Variants in PPP3CA observed in about 807,000 individuals in gnomAD.
PPP3CA encodes CAM-PRP catalytic subunit.
In PPP3CA, 14 loss-of-function variants were observed where a neutral mutation model predicts 66.5. The observed-to-expected ratio is 0.21, with a 90% confidence interval of 0.14 to 0.33. The LOEUF is 0.33. PPP3CA is among the 10% of genes least tolerant of loss of function. The probability of loss-of-function intolerance (pLI) is 1.00; values close to 1 mark genes in which losing one functional copy is unlikely to be tolerated. For synonymous variants in PPP3CA, 232 were observed against 226.2 expected (o/e 1.03, Z -0.23); for missense variants, 317 against 639.5 (o/e 0.50, Z 5.44).
intron 10 of PPP3CA, among the ~76,000 whole-genome samples, chr4:101,057,212 G>A (rs1422292228): frequency 6.6e-6 from 1 of 151,660 alleles, no homozygotes; most frequent in Non-Finnish European, 1.5e-5. Context: ...GCACCACCAT[G>A]CCCACCTATT....
intron 1 of PPP3CA, among the ~76,000 whole-genome samples, chr4:101,310,189 T>C (rs954042148): frequency 6.6e-6 from 1 of 152,182 alleles, no homozygotes; most frequent in African/African-American, 2.4e-5. Flanking sequence ...AATGAATTTC[T>C]CATAATTAAC....
intron 1 of PPP3CA, among the ~76,000 whole-genome samples, chr4:101,336,405 A>T (rs1729635308): frequency 6.7e-6 from 1 of 149,024 alleles, no homozygotes; most frequent in Admixed American, 6.7e-5. Flanking sequence ...ACCCATCTCT[A>T]CTAAAAATAC....
chr4:101,118,747 A>G (rs932289268), intron 2 of PPP3CA, among the ~76,000 whole-genome samples: 7 of 152,030 alleles, frequency 4.6e-5, no homozygotes, highest in Non-Finnish European at 7.4e-5. Flanking sequence ...TTCTGCTTGA[A>G]CCAGCTTTCA....
chr4:101,139,633 C>T (rs1722735027), intron 2 of PPP3CA, among the ~76,000 whole-genome samples: 1 of 150,094 alleles, frequency 6.7e-6, no homozygotes, highest in South Asian at 2.1e-4. Context: ...GAACAGAGTC[C>T]TGATAAATTT....
chr4:101,275,560 CT>C (rs1257224418), intron 1 of PPP3CA, among the ~76,000 whole-genome samples: 12 of 152,190 alleles, frequency 7.9e-5, no homozygotes, highest in Non-Finnish European at 1.5e-4. Flanking sequence ...CGAGGCTTAT[CT>C]GAGAAAAACA....
chr4:101,080,819 A>G (rs1218755526), intron 7 of PPP3CA, among the ~76,000 whole-genome samples, 193 bp from the exon 8 acceptor site: 1 of 152,174 alleles, frequency 6.6e-6, no homozygotes, highest in Non-Finnish European at 1.5e-5. Context: ...GGGGGTGGGT[A>G]TGAAAACATA....
intron 13 of PPP3CA, among the ~76,000 whole-genome samples, chr4:101,027,962 A>G (rs58656951): frequency 0.17 from 25,137 of 152,210 alleles, 2,274 homozygotes; most frequent in South Asian, 0.24. Flanking sequence ...AAAACAGCCA[A>G]ACTATCAACA....
intron 1 of PPP3CA, among the ~76,000 whole-genome samples, chr4:101,284,824 T>G (rs1308851630): frequency 1.3e-5 from 2 of 152,206 alleles, no homozygotes; most frequent in Non-Finnish European, 2.9e-5. Context: ...ACTAGAACCT[T>G]TATGTTCAAA....
intron 1 of PPP3CA, among the ~76,000 whole-genome samples, chr4:101,230,754 C>G (rs142721806): frequency 2.0e-5 from 3 of 151,552 alleles, no homozygotes; most frequent in African/African-American, 7.3e-5. Context: ...TAGAATAGCA[C>G]GCAAAGATTT....
In PPP3CA at chr4:101,023,994, T is replaced by G. The variant is rs543517766; in HGVS notation, c.*1871A>C. ...AGTACTTTTTGCTTTAGCAGATAGA[T>G]AGGGCATCCAATACAACTGAAACAA... On this transcript the variant is annotated 3_prime_UTR_variant, in exon 14 of 14. Coordinates refer to ENST00000394854, the MANE Select transcript of PPP3CA (RefSeq NM_000944.5). 14 of 152,622 alleles carry G rather than the reference T, an allele frequency of 9.2e-5. No homozygotes were observed. Among genetic ancestry groups the G allele is most frequent in the Admixed American group, 2.6e-4 (4 of 15,308 alleles). The allele number at this position is 152,622 out of a possible 1,614,324, so 9.5% of individuals were successfully genotyped here.
At chr4:101,256,838 C>T (rs2583409) in intron 1 of PPP3CA, among the ~76,000 whole-genome samples, 52,658 of 151,570 alleles carry the variant, frequency 0.35, 10,193 homozygotes, top group East Asian at 0.67. Flanking sequence ...AAGCATTTAA[C>T]GTTTCCCATC....
At chr4:101,177,562 C>A (rs55633921) in intron 2 of PPP3CA, among the ~76,000 whole-genome samples, 4,185 of 152,060 alleles carry the variant, frequency 0.028, 207 homozygotes, top group African/African-American at 0.095. Context: ...AGATCCTAAA[C>A]AAAACAACTA....
intron 1 of PPP3CA, among the ~76,000 whole-genome samples, chr4:101,266,149 C>T (rs1301686441): frequency 1.3e-5 from 2 of 152,094 alleles, no homozygotes; most frequent in African/African-American, 2.4e-5. Flanking sequence ...CTATTTCTTA[C>T]CTCACCTATT....
intron 1 of PPP3CA, among the ~76,000 whole-genome samples, chr4:101,218,665 A>G (rs1368015856): frequency 6.6e-6 from 1 of 152,084 alleles, no homozygotes; most frequent in Non-Finnish European, 1.5e-5. Context: ...ATAACGGAAA[A>G]TATAGTTCAT....
intron 13 of PPP3CA, 38 bp downstream of exon 13, chr4:101,029,128 T>C: frequency 6.5e-7 from 1 of 1,546,800 alleles, no homozygotes; most frequent in Non-Finnish European, 8.9e-7. Flanking sequence ...AGCCCTTATC[T>C]GTTGCAGGTA....
At chr4:101,171,893 T>C (rs1458892254) in intron 2 of PPP3CA, among the ~76,000 whole-genome samples, 1 of 152,216 alleles carries the variant, frequency 6.6e-6, no homozygotes, top group African/African-American at 2.4e-5. Context: ...TCATTTACTA[T>C]GTCACTGCCA....
intron 13 of PPP3CA, 90 bp downstream of exon 13, chr4:101,029,076 A>G (rs1333138783): frequency 8.6e-6 from 11 of 1,274,588 alleles, no homozygotes; most frequent in Non-Finnish European, 1.2e-5. Flanking sequence ...ACACCCACAC[A>G]CTCTGTACAA....
chr4:101,314,705 C>T (rs1379849520), intron 1 of PPP3CA, among the ~76,000 whole-genome samples: 1 of 151,284 alleles, frequency 6.6e-6, no homozygotes, highest in Non-Finnish European at 1.5e-5. Flanking sequence ...AAAATATCTA[C>T]CAATATATTT....
chr4:101,303,582 T>C (rs1249733775), intron 1 of PPP3CA, among the ~76,000 whole-genome samples: 1 of 152,222 alleles, frequency 6.6e-6, no homozygotes, highest in African/African-American at 2.4e-5. Context: ...AATGTTTCAC[T>C]GATATTTTTA....
Sources: allele counts gnomAD v4.1 joint callset (sites outside exome capture counted in the v4.1 genomes callset), GRCh38; gene constraint gnomAD v4.1.1; transcripts MANE v1.5; gene names NCBI Gene and HGNC (gene_info 2026-07-23, HGNC 2026-07-21).